Variants in TSPAN9 observed in about 807,000 individuals in gnomAD.
The protein encoded by TSPAN9 is tetraspanin-9.
TSPAN9 carries 16 observed loss-of-function variants against 31.0 expected under a neutral mutation model. The ratio of observed to expected loss-of-function variants is 0.52; its 90% CI spans 0.35 to 0.78. The LOEUF (loss-of-function observed/expected upper bound fraction) is 0.78. TSPAN9 is among the 30% of genes least tolerant of loss of function. The probability of loss-of-function intolerance (pLI) is 0.01; values close to 1 mark genes in which losing one functional copy is unlikely to be tolerated. For missense variants in TSPAN9, 272 were observed against 312.5 expected (o/e 0.87, Z 0.98); for synonymous variants, 145 against 121.6 (o/e 1.19, Z -1.27).
chr12:3,125,211 ATTTT>A (rs140226850), intron 2 of TSPAN9: 1 of 148,476 alleles, frequency 6.7e-6, no homozygotes, highest in East Asian at 2.0e-4. Context: ...ATTATTAGTG[ATTTT>A]TTTTTTTTTA....
intron 2 of TSPAN9, chr12:3,173,107 G>T: frequency 6.6e-6 from 1 of 152,610 alleles, no homozygotes; most frequent in African/African-American, 2.4e-5. Flanking sequence ...CCTGCAAAGT[G>T]GCTGTGCCCA....
intron 2 of TSPAN9, among the ~76,000 whole-genome samples, chr12:3,102,183 G>C (rs987018049): frequency 6.6e-6 from 1 of 151,788 alleles, no homozygotes; most frequent in Admixed American, 6.6e-5. Flanking sequence ...GACTACTGTA[G>C]TGTGATCATG....
chr12:3,236,312 G>A (rs1272889732), intron 3 of TSPAN9, among the ~76,000 whole-genome samples: 1 of 152,226 alleles, frequency 6.6e-6, no homozygotes, highest in Admixed American at 6.5e-5. Flanking sequence ...CATTTATCTA[G>A]TACTTTCTGG....
At chr12:3,265,150 TG>T (rs1411614338) in intron 3 of TSPAN9, among the ~76,000 whole-genome samples, 1 of 152,236 alleles carries the variant, frequency 6.6e-6, no homozygotes, top group African/African-American at 2.4e-5. Flanking sequence ...ACTAACTGGC[TG>T]GAGGATCCCA....
chr12:3,131,722 T>C (rs1305732821), intron 2 of TSPAN9, among the ~76,000 whole-genome samples: 1 of 152,204 alleles, frequency 6.6e-6, no homozygotes, highest in Non-Finnish European at 1.5e-5. Context: ...TACCAGGTAT[T>C]GTGTCCTTCC....
chr12:3,175,368 C>T (rs1231113873), intron 2 of TSPAN9, among the ~76,000 whole-genome samples: 2 of 152,176 alleles, frequency 1.3e-5, no homozygotes, highest in East Asian at 3.9e-4. Flanking sequence ...CCGGCAGGGG[C>T]CTGCCAAGCT....
chr12:3,152,859 A>G (rs1421542424), intron 2 of TSPAN9, among the ~76,000 whole-genome samples: 3 of 152,200 alleles, frequency 2.0e-5, no homozygotes, highest in African/African-American at 7.2e-5. Flanking sequence ...AAGTGCTGAG[A>G]TTACAGGTGT....
rs200842867 is a variant in TSPAN9, at chr12:3,186,542, TTGTTTGTG to T, written c.-17-14631_-17-14624del. The stretch of plus-strand genomic sequence containing the variant: ...GGAGTGGAGTGAGTGGGCCAGGAGT[TTGTTTGTG>T]TGTGTGTGTGTGTGTGTGTGTGTGT... On this transcript the variant is annotated intron_variant, in intron 2 of 8. Transcript: ENST00000011898. 8.9e-3 allele frequency among the ~76,000 whole-genome samples: 1,027 copies of T among 115,292 alleles called. 5 individuals carry two copies. The highest frequency in any genetic ancestry group is 0.039 in the East Asian group (163 of 4,198). The allele number at this position is 115,292 out of a possible 152,430, so 75.6% of individuals were successfully genotyped here. A position where few individuals can be genotyped will look rare whatever the true frequency, so the allele number is the denominator to read the frequency against.
chr12:3,124,875 TAGTG>T (rs1404827591), intron 2 of TSPAN9: 1 of 152,032 alleles, frequency 6.6e-6, no homozygotes, highest in African/African-American at 2.4e-5. Flanking sequence ...CTAGGCAACA[TAGTG>T]AGACCCCTGT....
chr12:3,110,748 T>C (rs925600289), intron 2 of TSPAN9, among the ~76,000 whole-genome samples: 2 of 152,208 alleles, frequency 1.3e-5, no homozygotes, highest in Non-Finnish European at 2.9e-5. Flanking sequence ...TTCAGACTGT[T>C]CTGATGTGCC....
In TSPAN9 at chr12:3,277,286, C is replaced by T. The variant is rs148189632; in HGVS notation, c.64-1135C>T. ...ACTTTCACCCGGCATAGAATGTTCT[C>T]GTCCTCCATCTGCCCCTAGTCCACC... On this transcript the variant is annotated intron_variant, in intron 3 of 8. Transcript: ENST00000011898. Among the ~76,000 whole-genome samples, 25 of 152,338 alleles carry T rather than the reference C, an allele frequency of 1.6e-4. 1 individual carries two copies. The East Asian group carries it at 2.9e-3, about 18-fold the overall frequency.
chr12:3,174,174 C>G (rs1231310872), intron 2 of TSPAN9: 1 of 152,288 alleles, frequency 6.6e-6, no homozygotes, highest in Non-Finnish European at 1.5e-5. Context: ...CTCAAGCGAT[C>G]CTCCTGCCTC....
intron 3 of TSPAN9, among the ~76,000 whole-genome samples, chr12:3,268,321 T>C (rs1294141049): frequency 1.7e-5 from 2 of 118,612 alleles, no homozygotes; most frequent in East Asian, 2.7e-4. Context: ...GCCTGCCCTC[T>C]CTGTGTTCCT....
chr12:3,208,531 G>A (rs2098376487), intron 3 of TSPAN9, among the ~76,000 whole-genome samples: 1 of 152,164 alleles, frequency 6.6e-6, no homozygotes, highest in Admixed American at 6.5e-5. Flanking sequence ...ACAGTGCGGG[G>A]CCCCCACAGG....
intron 2 of TSPAN9, among the ~76,000 whole-genome samples, chr12:3,104,983 C>T (rs928782714): frequency 1.3e-5 from 2 of 152,226 alleles, no homozygotes; most frequent in African/African-American, 4.8e-5. Context: ...CTCAGGCGTT[C>T]AGCTGGTCAC....
chr12:3,204,664 C>T (rs1232307269), intron 3 of TSPAN9, among the ~76,000 whole-genome samples: 1 of 152,172 alleles, frequency 6.6e-6, no homozygotes, highest in African/African-American at 2.4e-5. Context: ...TCACTCCTGA[C>T]TGAGTCCCAT....
chr12:3,105,803 TGC>T (rs757580310), intron 2 of TSPAN9, among the ~76,000 whole-genome samples: 19 of 100,398 alleles, frequency 1.9e-4, no homozygotes, highest in Non-Finnish European at 4.1e-4. Flanking sequence ...CACGCACACA[TGC>T]GCACACACGC....
At chr12:3,263,964 C>T (rs1016540086) in intron 3 of TSPAN9, among the ~76,000 whole-genome samples, 7 of 152,062 alleles carry the variant, frequency 4.6e-5, no homozygotes, top group African/African-American at 9.7e-5. Context: ...TTTTGTGAAC[C>T]GGGTTTACAA....
chr12:3,226,811 C>T (rs1322008926), intron 3 of TSPAN9, among the ~76,000 whole-genome samples: 3 of 68,690 alleles, frequency 4.4e-5, no homozygotes, highest in African/African-American at 1.1e-4. Flanking sequence ...TTTTTTTTTC[C>T]CTCTTCGAAC....
Sources: gnomAD v4.1 joint callset for allele counts (sites outside exome capture counted in the v4.1 genomes callset) on GRCh38, gnomAD v4.1.1 for gene constraint, MANE v1.5 for transcripts, NCBI Gene and HGNC (gene_info 2026-07-23, HGNC 2026-07-21) for gene names.